UBE2E2: variants seen among roughly 807,000 people sequenced by gnomAD.
UBE2E2 encodes ubiquitin conjugating enzyme E2 E2.
In UBE2E2, 6 loss-of-function variants were observed where a neutral mutation model predicts 24.7. The observed-to-expected ratio is 0.24, with a 90% CI of 0.13 to 0.48. The LOEUF (loss-of-function observed/expected upper bound fraction) is 0.48. Ranked by LOEUF, UBE2E2 falls within the 20% of genes least tolerant of loss-of-function variation. The pLI is 0.99. For missense variants in UBE2E2, 169 were observed against 245.0 expected, an observed-to-expected ratio of 0.69 and a Z score of 2.07; for synonymous variants, 104 against 83.6, an observed-to-expected ratio of 1.24 and a Z score of -1.33.
At chr3:23,380,224 A>G (rs1176479423) in intron 3 of UBE2E2, among the ~76,000 whole-genome samples, 2 of 152,096 alleles carry the variant, frequency 1.3e-5, no homozygotes, top group African/African-American at 2.4e-5. Flanking sequence ...ATTAAAAAAA[A>G]AATTATTTTT....
At chr3:23,484,063 T>A (rs1699311815) in intron 3 of UBE2E2, among the ~76,000 whole-genome samples, 1 of 152,046 alleles carries the variant, frequency 6.6e-6, no homozygotes, top group Non-Finnish European at 1.5e-5. Flanking sequence ...CTTTTGCAAT[T>A]CTTTATTACG....
chr3:23,321,187 G>T (rs1694728382), intron 3 of UBE2E2, among the ~76,000 whole-genome samples: 2 of 152,160 alleles, frequency 1.3e-5, no homozygotes, highest in African/African-American at 4.8e-5. Context: ...CCTCTTACAA[G>T]GATATCAGTC....
At chr3:23,426,827 A>G (rs182600651) in intron 3 of UBE2E2, among the ~76,000 whole-genome samples, 181 of 152,326 alleles carry the variant, frequency 1.2e-3, no homozygotes, top group African/African-American at 4.1e-3. Flanking sequence ...GGATAAGTAC[A>G]GGTAAAATTT....
chr3:23,467,081 A>G (rs1227577514), intron 3 of UBE2E2, among the ~76,000 whole-genome samples: 1 of 152,184 alleles, frequency 6.6e-6, no homozygotes, highest in African/African-American at 2.4e-5. Flanking sequence ...AAAAGTAGGT[A>G]TTTATTTAGG....
At chr3:23,375,005 A>G (rs1696486204) in intron 3 of UBE2E2, among the ~76,000 whole-genome samples, 1 of 152,018 alleles carries the variant, frequency 6.6e-6, no homozygotes, top group African/African-American at 2.4e-5. Context: ...AGAAGTGGAG[A>G]GTTATGTTAT....
chr3:23,490,560 C>G (rs2125449127), intron 3 of UBE2E2, among the ~76,000 whole-genome samples: 1 of 152,210 alleles, frequency 6.6e-6, no homozygotes, highest in South Asian at 2.1e-4. Context: ...GGTATCCACA[C>G]ATTGGGAAAA....
At chr3:23,534,359 T>A in intron 5 of UBE2E2, 1 of 462,080 alleles carries the variant, frequency 2.2e-6, no homozygotes, top group Non-Finnish European at 2.8e-6. Context: ...TTCAGAAAAT[T>A]ACAAATGCAT....
chr3:23,398,780 T>G (rs991118412), intron 3 of UBE2E2, among the ~76,000 whole-genome samples: 1 of 152,170 alleles, frequency 6.6e-6, no homozygotes, highest in African/African-American at 2.4e-5. Flanking sequence ...ACATGGGGGA[T>G]GCATCTTATT....
intron 5 of UBE2E2, among the ~76,000 whole-genome samples, chr3:23,533,939 G>A (rs1025499707): frequency 6.6e-6 from 1 of 152,030 alleles, no homozygotes; most frequent in Admixed American, 6.6e-5. Flanking sequence ...AAATAAAATT[G>A]TGCAGGATCA....
chr3:23,364,115 A>G (rs1696197410), intron 3 of UBE2E2, among the ~76,000 whole-genome samples: 1 of 152,174 alleles, frequency 6.6e-6, no homozygotes, highest in Non-Finnish European at 1.5e-5. Context: ...CAACTAAAGC[A>G]GTATTAAGAG....
chr3:23,376,928 T>G (rs1908772), intron 3 of UBE2E2, among the ~76,000 whole-genome samples: 44,444 of 151,966 alleles, frequency 0.29, 6,726 homozygotes, highest in East Asian at 0.36. Flanking sequence ...CTCTAGGGGA[T>G]GAGGGAGAAA....
At chr3:23,521,913 G>A (rs1489770397) in intron 4 of UBE2E2, among the ~76,000 whole-genome samples, 2 of 118,830 alleles carry the variant, frequency 1.7e-5, no homozygotes, top group Non-Finnish European at 3.3e-5. Context: ...AGCACTAATT[G>A]AGCACCTACT....
intron 3 of UBE2E2, among the ~76,000 whole-genome samples, chr3:23,228,909 A>T (rs939737559): frequency 6.6e-6 from 1 of 152,212 alleles, no homozygotes; most frequent in Admixed American, 6.5e-5. Context: ...AGGCCTAGTA[A>T]TAATTTGAAA....
chr3:23,517,115 T>C (rs1446280014), intron 4 of UBE2E2, among the ~76,000 whole-genome samples: 5 of 152,128 alleles, frequency 3.3e-5, no homozygotes, highest in South Asian at 2.1e-4. Context: ...AAAAAAAGCA[T>C]AGTTAGTCTT....
intron 3 of UBE2E2, among the ~76,000 whole-genome samples, chr3:23,223,014 G>GTCCCCC (rs1559445319): frequency 1.5e-5 from 1 of 65,562 alleles, no homozygotes; most frequent in African/African-American, 6.7e-5. Context: ...TACATCTTTT[G>GTCCCCC]CCCCCCCCCC....
intron 3 of UBE2E2, among the ~76,000 whole-genome samples, chr3:23,293,467 G>A (rs1351238335): frequency 6.6e-6 from 1 of 152,180 alleles, no homozygotes; most frequent in African/African-American, 2.4e-5. Flanking sequence ...GTAAATAGTT[G>A]TTTAATGTGT....
chr3:23,231,687 C>T (rs1696977649), intron 3 of UBE2E2, among the ~76,000 whole-genome samples: 1 of 152,128 alleles, frequency 6.6e-6, no homozygotes, highest in Admixed American at 6.6e-5. Flanking sequence ...AGTCACAAGT[C>T]CAGGCCTCTT....
intron 3 of UBE2E2, among the ~76,000 whole-genome samples, chr3:23,289,705 G>T (rs998942757): frequency 3.9e-5 from 6 of 152,078 alleles, no homozygotes; most frequent in Non-Finnish European, 8.8e-5. Context: ...CTGAGTACTA[G>T]GAATTTTAAA....
chr3:23,410,209 A>T (rs1416612580), intron 3 of UBE2E2, among the ~76,000 whole-genome samples: 1 of 152,194 alleles, frequency 6.6e-6, no homozygotes, highest in African/African-American at 2.4e-5. Flanking sequence ...GTGTCTGTCA[A>T]TTATCTGAAA....
Sources: gnomAD v4.1 joint callset for allele counts (sites outside exome capture counted in the v4.1 genomes callset) on GRCh38, gnomAD v4.1.1 for gene constraint, MANE v1.5 for transcripts, NCBI Gene and HGNC (gene_info 2026-07-23, HGNC 2026-07-21) for gene names.